CIT: variants seen among roughly 807,000 people sequenced by gnomAD.
CIT encodes the protein citron rho-interacting serine/threonine kinase, also known as citron Rho-interacting kinase.
CIT carries 79 observed loss-of-function variants against 272.7 expected under a neutral mutation model. The observed-to-expected ratio is 0.29, with a 90% confidence interval of 0.24 to 0.35. The LOEUF is 0.35. CIT is among the 10% of genes least tolerant of loss of function. CIT has a pLI of 1.00. For synonymous variants in CIT, 948 were observed against 995.6 expected (o/e 0.95, Z 0.90); for missense variants, 1,909 against 2,618.3 (o/e 0.73, Z 5.91).
intron 29 of CIT, among the ~76,000 whole-genome samples, chr12:119,720,972 T>C (rs1051545097): frequency 5.9e-5 from 9 of 152,136 alleles, no homozygotes; most frequent in Non-Finnish European, 2.9e-5. Flanking sequence ...CTTATTTATT[T>C]ATTTATTTTC....
At chr12:119,827,624 G>C (rs1480251071) in intron 7 of CIT, among the ~76,000 whole-genome samples, 1 of 152,128 alleles carries the variant, frequency 6.6e-6, no homozygotes, top group Non-Finnish European at 1.5e-5. Flanking sequence ...TTTTAGTAGA[G>C]ACGGGGTTTC....
intron 13 of CIT, among the ~76,000 whole-genome samples, chr12:119,777,256 A>C (rs1296748887): frequency 6.6e-6 from 1 of 151,478 alleles, no homozygotes; most frequent in Non-Finnish European, 1.5e-5. Context: ...CTCCGTCTCA[A>C]AAAAAAACAA....
chr12:119,703,782 G>A (rs1350357410), intron 41 of CIT, among the ~76,000 whole-genome samples: 2 of 152,178 alleles, frequency 1.3e-5, no homozygotes, highest in African/African-American at 2.4e-5. Context: ...GGCTTAGGAG[G>A]AGTGGGACAC....
At chr12:119,754,775 C>T (rs552015430) in intron 22 of CIT, among the ~76,000 whole-genome samples, 1 of 152,328 alleles carries the variant, frequency 6.6e-6, no homozygotes, top group Admixed American at 6.5e-5. Flanking sequence ...TCTCGTGAAA[C>T]GTTTGAAGTT....
chr12:119,708,767 C>T (rs1346190647), intron 39 of CIT, among the ~76,000 whole-genome samples: 2 of 152,116 alleles, frequency 1.3e-5, no homozygotes, highest in East Asian at 1.9e-4. Context: ...AGATTACAGG[C>T]GTGAGCCACC....
chr12:119,857,476 C>T (rs1354929609), intron 4 of CIT, 47 bp downstream of exon 4: 4 of 1,590,396 alleles, frequency 2.5e-6, no homozygotes, highest in Non-Finnish European at 3.4e-6. Context: ...TTGCAATGAA[C>T]ACTCCGGTAC....
At chr12:119,743,808 G>A (rs1050436790) in intron 23 of CIT, among the ~76,000 whole-genome samples, 2 of 152,074 alleles carry the variant, frequency 1.3e-5, no homozygotes, top group Non-Finnish European at 2.9e-5. Flanking sequence ...CCTTCTATTG[G>A]ATTGCAAGTA....
At chr12:119,731,416 AGTGAGCCGAGATGGCACCACTGC>A (rs543031233) in intron 26 of CIT, among the ~76,000 whole-genome samples, 1,755 of 150,070 alleles carry the variant, frequency 0.012, 36 homozygotes, top group African/African-American at 0.041. Context: ...GCAGAGTTGC[AGTGAGCCGAGATGGCACCACTGC>A]ACTCCAGCCT....
intron 27 of CIT, among the ~76,000 whole-genome samples, chr12:119,730,186 G>A (rs191090477): frequency 1.3e-5 from 2 of 151,968 alleles, no homozygotes; most frequent in East Asian, 3.9e-4. Context: ...AAGCCTTCTG[G>A]AAATAAGATG....
chr12:119,784,728 G>A lies in CIT; in HGVS notation c.1401+232C>T. 1 of 1,384,020 alleles carries A rather than the reference G, an allele frequency of 7.2e-7. No individual in the cohort carries two copies. Among genetic ancestry groups the A allele is most frequent in the Non-Finnish European group, 9.3e-7 (1 of 1,071,860 alleles). The allele number at this position is 1,384,020 out of a possible 1,614,324, so 85.7% of individuals were successfully genotyped here. ...GCTGGGTCATGCTGAGAAACGGACT[G>A]TTTAAATCCAGGGCCTCCTCTGGTT... On this transcript the variant is annotated intron_variant, in intron 11 of 47. Transcript: ENST00000392521. This position sits in a 1 kb window ranked among gnomAD's most constrained non-coding sequence, Gnocchi z 4.7.
In CIT at chr12:119,794,751, C is replaced by T. The variant is rs151165671; in HGVS notation, c.1295+8455G>A. 3.1e-3 allele frequency among the ~76,000 whole-genome samples: 470 copies of T among 152,286 alleles called. 3 individuals are homozygous for T. Among genetic ancestry groups the T allele is most frequent in the African/African-American group, 0.01 (425 of 41,544 alleles). The stretch of plus-strand genomic sequence containing the variant: ...AAACCAGCAAGATGTCTTTATAAGG[C>T]GGAAGCAGGGAGAAAAAGAGAGTCC... On this transcript the variant is annotated intron_variant, in intron 10 of 47. Coordinates refer to ENST00000392521, the MANE Select transcript of CIT (RefSeq NM_001206999.2).
rs1486010541 is a variant in CIT, at chr12:119,772,757, G to A, written c.2082+13C>T. Reference sequence around the variant, plus strand: ...GAGGCCGCTGGGGCCTGGGCTGGAGGTTCCCTGCTCACCTCAGCTTCCACC... The same window carrying A: ...GAGGCCGCTGGGGCCTGGGCTGGAGATTCCCTGCTCACCTCAGCTTCCACC... On this transcript the variant is annotated intron_variant, in intron 17 of 47. Transcript: ENST00000392521. 4.5e-5 allele frequency: 73 copies of A among 1,609,142 alleles called. 1 individual carries two copies. In the Admixed American group the frequency reaches 1.2e-3, roughly 27 times the overall value.
rs1966460564 is a variant in CIT at position 119,804,344 on chromosome 12, G to A, written c.1112-955C>T. 2 of 985,636 alleles carry A rather than the reference G, an allele frequency of 2.0e-6. No individual in the cohort carries two copies. The highest frequency in any genetic ancestry group is 1.2e-6 in the Non-Finnish European group (1 of 830,076). The allele number at this position is 985,636 out of a possible 1,614,324, so 61.1% of individuals were successfully genotyped here. ...CGTTACCATGGTTGCAAGCTGAGGC[G>A]TCCGTGGCGGGCCAGCCAGGCGAGT... On this transcript the variant is annotated intron_variant, in intron 9 of 47. Transcript: ENST00000392521. This position sits in a 1 kb window ranked among gnomAD's most constrained non-coding sequence, Gnocchi z 5.3.
rs1956107824 is a variant in CIT at position 119,694,241 on chromosome 12, T to G, written c.5882+3418A>C. Among the ~76,000 whole-genome samples the G allele has an allele frequency of 6.6e-6, 1 of 152,168 alleles. No homozygotes were observed. Among genetic ancestry groups the G allele is most frequent in the South Asian group, 2.1e-4 (1 of 4,828 alleles). On this transcript the variant is annotated intron_variant, in intron 46 of 47. Coordinates refer to ENST00000392521, the MANE Select transcript of CIT (RefSeq NM_001206999.2). This position sits in a 1 kb window ranked among gnomAD's most constrained non-coding sequence, Gnocchi z 4.5. ...CAGCCATCACCCATTCACCCACACT[T>G]TTCTAGGAATTTATCCTACAGATAG... is the stretch of plus-strand genomic sequence containing the variant.
At chr12:119,849,689 CTT>C (rs869266632) in intron 5 of CIT, among the ~76,000 whole-genome samples, 7 of 81,140 alleles carry the variant, frequency 8.6e-5, no homozygotes, top group African/African-American at 6.0e-5. Context: ...CTTTTTTTTT[CTT>C]TTTTTTTTTT....
Position 119,713,375 on chromosome 12 carries a change from G to A in CIT, c.4488-81C>T. ...TGGAGGATAGGATGAGGGGGTGGCA[G>A]AGTTCCTAGAAAAGACACTTCCCTA... On this transcript the variant is annotated intron_variant, in intron 34 of 47. Coordinates refer to ENST00000392521, the MANE Select transcript of CIT (RefSeq NM_001206999.2). This position sits in a 1 kb window ranked among gnomAD's most constrained non-coding sequence, Gnocchi z 5.2. 6.3e-7 allele frequency: 1 copy of A among 1,580,702 alleles called. No homozygotes were observed. Among genetic ancestry groups the A allele is most frequent in the Non-Finnish European group, 8.7e-7 (1 of 1,153,804 alleles).
chr12:119,794,259 A>G (rs924553239), intron 10 of CIT, among the ~76,000 whole-genome samples: 5 of 151,148 alleles, frequency 3.3e-5, no homozygotes, highest in African/African-American at 1.2e-4. Flanking sequence ...CTAGAACAAT[A>G]TATTTGTTGA....
At position 119,697,848 on chromosome 12, in the gene CIT, C is replaced by T; in HGVS notation, c.5703-10G>A. ...CGCTCGGGCAGGGGTCCTGCAGAGTCCCAGAGTTCCAGTTACCTTCATTGC... is the reference window on the plus strand; with the variant it reads ...CGCTCGGGCAGGGGTCCTGCAGAGTTCCAGAGTTCCAGTTACCTTCATTGC... On this transcript the variant is annotated splice_polypyrimidine_tract_variant and intron_variant, in intron 45 of 47. Transcript: ENST00000392521. This position sits in a 1 kb window ranked among gnomAD's most constrained non-coding sequence, Gnocchi z 4.9. 2 of 1,613,770 alleles carry T rather than the reference C, an allele frequency of 1.2e-6. No homozygotes were observed. The highest frequency in any genetic ancestry group is 1.7e-6 in the Non-Finnish European group (2 of 1,179,778).
chr12:119,838,091 G>T (rs562273925), intron 5 of CIT, among the ~76,000 whole-genome samples: 13 of 151,822 alleles, frequency 8.6e-5, no homozygotes, highest in African/African-American at 1.2e-4. Context: ...GGTTTTTTTT[G>T]AGATGAAGTC....
Sources: allele counts gnomAD v4.1 joint callset (sites outside exome capture counted in the v4.1 genomes callset), GRCh38; gene constraint gnomAD v4.1.1; non-coding constraint Gnocchi (gnomAD v3.1); transcripts MANE v1.5; gene names NCBI Gene and HGNC (gene_info 2026-07-23, HGNC 2026-07-21).